The following LINC00632 variants were observed in gnomAD, a reference collection of about 807,000 sequenced individuals.
LINC00632 encodes the protein ALDOA related specific transcript.
At chrX:140,756,871 G>A (rs1319769659) in intron 3 of LINC00632, among the ~76,000 whole-genome samples, 2 of 110,879 alleles carry the variant, frequency 1.8e-5, no homozygotes, top group Non-Finnish European at 3.8e-5. Flanking sequence ...CAAGTGTTTA[G>A]TGTTTTTAAA....
At chrX:140,730,004 G>C (rs895095288) in intron 2 of LINC00632, among the ~76,000 whole-genome samples, 4 of 107,378 alleles carry the variant, frequency 3.7e-5, no homozygotes, top group Non-Finnish European at 7.7e-5. Flanking sequence ...AGCCTCCCCA[G>C]TAGCTGAGAC....
exon 5 of LINC00632, among the ~76,000 whole-genome samples, chrX:140,789,803 T>A (rs1569359081): frequency 8.9e-6 from 1 of 111,751 alleles, no homozygotes; most frequent in Non-Finnish European, 1.9e-5. Flanking sequence ...GTCATTTGTC[T>A]TTTTTTATTA....
At chrX:140,711,112 T>C (rs1443734992) in intron 1 of LINC00632, among the ~76,000 whole-genome samples, 1 of 111,867 alleles carries the variant, frequency 8.9e-6, no homozygotes, top group Admixed American at 9.6e-5. Context: ...ATTGGTATTT[T>C]GTCTTTGCTT....
chrX:140,741,480 G>C (rs1010793620), intron 3 of LINC00632, among the ~76,000 whole-genome samples: 1 of 112,227 alleles, frequency 8.9e-6, no homozygotes, highest in Non-Finnish European at 1.9e-5. Context: ...GTTTGGAAGA[G>C]AGAAGAGGAA....
chrX:140,788,847 G>C (rs990172501), exon 5 of LINC00632, among the ~76,000 whole-genome samples: 2 of 90,176 alleles, frequency 2.2e-5, no homozygotes, highest in African/African-American at 4.1e-5. Context: ...ATGTATATAT[G>C]TATATTCCAT....
At chrX:140,712,253 TAA>T (rs750614585) in intron 2 of LINC00632, 5 of 109,682 alleles carry the variant, frequency 4.6e-5, no homozygotes, top group African/African-American at 1.7e-4. Context: ...TTAAATATGT[TAA>T]GTTTGTCACA....
intron 3 of LINC00632, among the ~76,000 whole-genome samples, chrX:140,763,778 G>C (rs1931639129): frequency 8.9e-6 from 1 of 112,036 alleles, no homozygotes; most frequent in African/African-American, 3.2e-5. Context: ...CCATTTTCTA[G>C]AAGAACAAAT....
chrX:140,731,754 T>C (rs1931060388), intron 2 of LINC00632, among the ~76,000 whole-genome samples: 1 of 111,441 alleles, frequency 9.0e-6, no homozygotes, highest in South Asian at 3.7e-4. Flanking sequence ...AACGTCCACA[T>C]GGACACAGAT....
At chrX:140,715,593 TA>T (rs770558729) in intron 2 of LINC00632, among the ~76,000 whole-genome samples, 16 of 75,775 alleles carry the variant, frequency 2.1e-4, no homozygotes, top group African/African-American at 6.0e-4. Flanking sequence ...AGACTTCGTC[TA>T]AAAAAAAAAG....
intron 3 of LINC00632, chrX:140,772,060 A>G: frequency 6.9e-6 from 2 of 288,152 alleles, no homozygotes; most frequent in Non-Finnish European, 1.2e-5. Flanking sequence ...TCCTATTTTT[A>G]TGTTTGCTTT....
exon 5 of LINC00632, among the ~76,000 whole-genome samples, chrX:140,780,241 T>A (rs2148404353): frequency 8.9e-6 from 1 of 112,061 alleles, no homozygotes; most frequent in South Asian, 3.8e-4. Flanking sequence ...GCAACCAGAA[T>A]ATGAGAGTTT....
At chrX:140,723,715 G>T (rs200669615) in intron 2 of LINC00632, among the ~76,000 whole-genome samples, 2 of 114 alleles carry the variant, frequency 0.018, no homozygotes, top group Non-Finnish European at 0.031. Flanking sequence ...ATACACACAC[G>T]CCATACACAC....
chrX:140,743,224 CAAAAAAAAAAAAAAAAAAAA>C (rs58322122), intron 3 of LINC00632, among the ~76,000 whole-genome samples: 971 of 44,328 alleles, frequency 0.022, 28 homozygotes, highest in Non-Finnish European at 0.027. Flanking sequence ...AACGCTGTCT[CAAAAAAAAAAAAAAAAAAAA>C]AAAAAAAAAA....
intron 3 of LINC00632, among the ~76,000 whole-genome samples, chrX:140,736,583 C>T (rs779157236): frequency 5.9e-4 from 63 of 107,140 alleles, no homozygotes; most frequent in Non-Finnish European, 1.1e-3. Flanking sequence ...ATTACAGGTG[C>T]CCTCCATCAC....
intron 2 of LINC00632, chrX:140,713,501 CTAT>C (rs1930561020): frequency 2.9e-6 from 1 of 339,473 alleles, no homozygotes; most frequent in East Asian, 9.7e-5. Flanking sequence ...TAAGTGTTGT[CTAT>C]TATTATTTGT....
intron 3 of LINC00632, among the ~76,000 whole-genome samples, chrX:140,758,372 C>T (rs1268065230): frequency 1.5e-3 from 105 of 69,798 alleles, no homozygotes; most frequent in Non-Finnish European, 2.6e-3. Flanking sequence ...CTACATTTTC[C>T]TTTTTTTTTT....
intron 2 of LINC00632, among the ~76,000 whole-genome samples, chrX:140,724,279 GAC>G (rs1369622262): frequency 1.3e-3 from 36 of 27,650 alleles, no homozygotes; most frequent in Non-Finnish European, 3.6e-4. Context: ...TGTACACACA[GAC>G]ACACATTCCA....
chrX:140,778,094 G>A (rs1173096950), exon 5 of LINC00632, among the ~76,000 whole-genome samples: 4 of 111,795 alleles, frequency 3.6e-5, no homozygotes, highest in African/African-American at 1.3e-4. Flanking sequence ...TTCCCCTCTG[G>A]GTTATAGGTT....
At position 140,772,657 on chromosome X, in the gene LINC00632, A is replaced by G. The variant is rs12013337; in HGVS notation, n.771A>G. On this transcript the variant is annotated non_coding_transcript_exon_variant, in exon 4 of 5. Coordinates refer to ENST00000648200, the Ensembl canonical transcript of LINC00632. Reference sequence around the variant, plus strand: ...TGGTGTTAATGAACCTACACATCATACAATAAAGAAAATTGAGAAAGCAGT... The same window carrying G: ...TGGTGTTAATGAACCTACACATCATGCAATAAAGAAAATTGAGAAAGCAGT... The G allele has an allele frequency of 1.6e-5, 3 of 183,517 alleles. No homozygotes were observed. The Admixed American group carries it at 2.4e-4, about 15-fold the overall frequency. 15.1% of individuals were successfully genotyped at this position (183,517 alleles called of 1,213,427 possible). A position where few individuals can be genotyped will look rare whatever the true frequency, so the allele number is the denominator to read the frequency against.
Sources: allele counts gnomAD v4.1 joint callset (sites outside exome capture counted in the v4.1 genomes callset), GRCh38; gene constraint gnomAD v4.1.1; transcripts MANE v1.5; gene names NCBI Gene and HGNC (gene_info 2026-07-23, HGNC 2026-07-21).